FSHR: variants seen among roughly 807,000 people sequenced by gnomAD.
FSHR encodes the protein follicle-stimulating hormone receptor.
In FSHR, 46 loss-of-function variants were observed where a neutral mutation model predicts 52.1. That is an observed-to-expected ratio of 0.88 (90% CI 0.70 to 1.13). The LOEUF (loss-of-function observed/expected upper bound fraction) is 1.13. Among genes scored for constraint, FSHR ranks in the 50% most tolerant of loss-of-function variants. FSHR has a pLI of 0.00. For synonymous variants in FSHR, 399 were observed against 309.6 expected, an observed-to-expected ratio of 1.29 and a Z score of -3.03; for missense variants, 964 against 834.6, an observed-to-expected ratio of 1.16 and a Z score of -1.91.
At chr2:48,992,494 G>A (rs981036505) in intron 4 of FSHR, among the ~76,000 whole-genome samples, 2 of 152,216 alleles carry the variant, frequency 1.3e-5, no homozygotes, top group Non-Finnish European at 2.9e-5. Context: ...GTGGGGAGGA[G>A]TGGTGTCAGT....
intron 1 of FSHR, among the ~76,000 whole-genome samples, chr2:49,099,496 CAGTT>C (rs1198019476): frequency 6.6e-6 from 1 of 152,072 alleles, no homozygotes; most frequent in East Asian, 1.9e-4. Context: ...CAGATTAATA[CAGTT>C]CTAAGCTCCC....
chr2:48,964,205 A>G (rs887513120), intron 9 of FSHR, among the ~76,000 whole-genome samples: 1 of 152,078 alleles, frequency 6.6e-6, no homozygotes, highest in African/African-American at 2.4e-5. Context: ...CCATCTTGCC[A>G]CAACCTGAAT....
At chr2:49,033,033 T>G (rs1238452371) in intron 2 of FSHR, among the ~76,000 whole-genome samples, 8 of 152,254 alleles carry the variant, frequency 5.3e-5, no homozygotes, top group Non-Finnish European at 8.8e-5. Flanking sequence ...TATCTAATTA[T>G]GTTTTCCTCT....
chr2:48,984,589 T>C (rs1675404129), intron 6 of FSHR, among the ~76,000 whole-genome samples: 1 of 102,788 alleles, frequency 9.7e-6, no homozygotes, highest in African/African-American at 2.6e-5. Flanking sequence ...ATTGGGTATT[T>C]TTTTTTTTTG....
intron 3 of FSHR, among the ~76,000 whole-genome samples, chr2:49,018,491 G>A (rs1667576598): frequency 6.6e-6 from 1 of 152,214 alleles, no homozygotes; most frequent in South Asian, 2.1e-4. Flanking sequence ...ACATGGAGGT[G>A]AGCACCTCTT....
In FSHR at chr2:48,979,324, C is replaced by T. The variant is rs374182695; in HGVS notation, c.668+3588G>A. Among the ~76,000 whole-genome samples, 34 of 152,132 alleles carry T rather than the reference C, an allele frequency of 2.2e-4. No homozygotes were observed. In the East Asian group the frequency reaches 5.6e-3, roughly 25 times the overall value. On this transcript the variant is annotated intron_variant, in intron 8 of 9. Coordinates refer to ENST00000406846, the MANE Select transcript of FSHR (RefSeq NM_000145.4). ...GGTGTGGTGGTGCACGCTTGTAGTC[C>T]CAGCTACTCAGAAGGCTGAGGCAGG... is the stretch of plus-strand genomic sequence containing the variant.
intron 1 of FSHR, among the ~76,000 whole-genome samples, chr2:49,074,544 G>A (rs1254374022): frequency 1.3e-5 from 2 of 151,980 alleles, no homozygotes; most frequent in East Asian, 1.9e-4. Context: ...AAGAGAAAAG[G>A]GAACACATAA....
intron 2 of FSHR, among the ~76,000 whole-genome samples, chr2:49,021,863 C>A (rs373364291): frequency 0.12 from 6,129 of 49,164 alleles, 718 homozygotes; most frequent in Middle Eastern, 0.16. Context: ...CTCTCTCTCT[C>A]TATATATATA....
intron 2 of FSHR, among the ~76,000 whole-genome samples, chr2:49,063,508 A>G (rs182099083): frequency 1.3e-5 from 2 of 152,260 alleles, no homozygotes; most frequent in East Asian, 3.9e-4. Flanking sequence ...GCAAAATTCT[A>G]TCATTCACAG....
intron 1 of FSHR, among the ~76,000 whole-genome samples, chr2:49,146,011 T>A (rs1354097348): frequency 4.0e-5 from 6 of 151,834 alleles, no homozygotes; most frequent in Non-Finnish European, 8.8e-5. Context: ...AGAGATGAGA[T>A]AGAAGAGTTA....
intron 4 of FSHR, among the ~76,000 whole-genome samples, chr2:48,997,948 A>G (rs1248021346): frequency 6.6e-6 from 1 of 152,010 alleles, no homozygotes; most frequent in Non-Finnish European, 1.5e-5. Context: ...TCGTTCTCTA[A>G]TTGCCTTCTG....
intron 2 of FSHR, among the ~76,000 whole-genome samples, chr2:49,033,589 C>T (rs1221506471): frequency 6.6e-6 from 1 of 152,090 alleles, no homozygotes; most frequent in Non-Finnish European, 1.5e-5. Flanking sequence ...ACCAAGCTGC[C>T]TGCACTGGGG....
intron 1 of FSHR, among the ~76,000 whole-genome samples, chr2:49,137,490 A>G (rs1672528251): frequency 6.6e-6 from 1 of 152,122 alleles, no homozygotes. Context: ...TGACAGGCTG[A>G]TTCTAAAATA....
At chr2:49,120,577 T>C (rs746269205) in intron 1 of FSHR, among the ~76,000 whole-genome samples, 9 of 152,194 alleles carry the variant, frequency 5.9e-5, no homozygotes, top group Admixed American at 1.3e-4. Flanking sequence ...TTGCACTCCA[T>C]AGCACTCTAG....
chr2:49,127,825 T>TCTC (rs1672089689), intron 1 of FSHR, among the ~76,000 whole-genome samples: 1 of 64,230 alleles, frequency 1.6e-5, no homozygotes, highest in African/African-American at 6.9e-5. Context: ...TTCTTCTTCT[T>TCTC]CTTCCTCTTC....
chr2:49,111,840 C>T (rs1392700933), intron 1 of FSHR, among the ~76,000 whole-genome samples: 1 of 152,174 alleles, frequency 6.6e-6, no homozygotes, highest in African/African-American at 2.4e-5. Context: ...TATCACCCCT[C>T]AGTAATTATT....
intron 2 of FSHR, among the ~76,000 whole-genome samples, chr2:49,033,567 G>A (rs547163974): frequency 2.6e-5 from 4 of 152,168 alleles, no homozygotes; most frequent in African/African-American, 7.2e-5. Context: ...AGAGGAAAAC[G>A]GATGGTCTGC....
chr2:49,146,937 G>A (rs1381335039), intron 1 of FSHR, among the ~76,000 whole-genome samples: 1 of 152,038 alleles, frequency 6.6e-6, no homozygotes, highest in Admixed American at 6.6e-5. Flanking sequence ...AGGACTCTGT[G>A]ATAACTTTAT....
intron 1 of FSHR, among the ~76,000 whole-genome samples, chr2:49,149,356 G>T (rs1395288237): frequency 6.6e-6 from 1 of 151,918 alleles, no homozygotes; most frequent in African/African-American, 2.4e-5. Context: ...TACTTGTCAG[G>T]CACAAAGCAA....
Sources: gnomAD v4.1 joint callset for allele counts (sites outside exome capture counted in the v4.1 genomes callset) on GRCh38, gnomAD v4.1.1 for gene constraint, MANE v1.5 for transcripts, NCBI Gene and HGNC (gene_info 2026-07-23, HGNC 2026-07-21) for gene names.